The following C1orf87 variants were observed in gnomAD, a reference collection of about 807,000 sequenced individuals.
The protein encoded by C1orf87 is uncharacterized protein C1orf87.
A neutral mutation model predicts 60.5 loss-of-function variants in C1orf87; 58 were observed. That is an observed-to-expected ratio of 0.96 (90% CI 0.78 to 1.19). The LOEUF (loss-of-function observed/expected upper bound fraction) is 1.19. Among genes scored for constraint, C1orf87 ranks in the 50% most tolerant of loss-of-function variants. The pLI is 0.00. For synonymous variants in C1orf87, 236 were observed against 227.4 expected (o/e 1.04, Z -0.34); for missense variants, 673 against 638.6 (o/e 1.05, Z -0.58).
At chr1:60,046,923 G>A (rs1463416229) in intron 3 of C1orf87, among the ~76,000 whole-genome samples, 1 of 152,142 alleles carries the variant, frequency 6.6e-6, no homozygotes. Context: ...TAAATCTAAA[G>A]TCTTATTCAT....
At chr1:59,993,179 C>T (rs1317862502) in intron 11 of C1orf87, among the ~76,000 whole-genome samples, 2 of 152,086 alleles carry the variant, frequency 1.3e-5, no homozygotes, top group African/African-American at 2.4e-5. Flanking sequence ...TGTGATCATG[C>T]CATTGCATTC....
At chr1:60,000,212 T>C (rs1031167999) in intron 10 of C1orf87, among the ~76,000 whole-genome samples, 12 of 152,140 alleles carry the variant, frequency 7.9e-5, no homozygotes, top group African/African-American at 2.9e-4. Flanking sequence ...CTGCTTCAAT[T>C]TGCCTTTCTA....
At chr1:60,023,477 TAACA>T (rs1205087107) in intron 8 of C1orf87, among the ~76,000 whole-genome samples, 4 of 152,152 alleles carry the variant, frequency 2.6e-5, no homozygotes, top group Non-Finnish European at 5.9e-5. Flanking sequence ...GTTGCTTCCA[TAACA>T]AACAGTTTTC....
intron 2 of C1orf87, among the ~76,000 whole-genome samples, chr1:60,056,332 G>T (rs1013300543): frequency 2.6e-5 from 4 of 152,152 alleles, no homozygotes; most frequent in African/African-American, 7.2e-5. Flanking sequence ...TTCTTACAGT[G>T]GGTGACCTGA....
chr1:60,024,505 G>A (rs893978763), intron 8 of C1orf87, among the ~76,000 whole-genome samples: 4 of 152,086 alleles, frequency 2.6e-5, no homozygotes, highest in Non-Finnish European at 5.9e-5. Flanking sequence ...TCCTGGCCTT[G>A]GGTAGTTTCC....
chr1:60,040,306 GA>G, intron 4 of C1orf87, 126 bp from the exon 5 acceptor site: 2 of 1,226,904 alleles, frequency 1.6e-6, no homozygotes, highest in Non-Finnish European at 1.1e-6. Flanking sequence ...CCTGGAGCAG[GA>G]CAAGTCTGTG....
intron 3 of C1orf87, among the ~76,000 whole-genome samples, chr1:60,051,320 G>A (rs137991569): frequency 1.2e-4 from 19 of 152,286 alleles, no homozygotes; most frequent in African/African-American, 4.6e-4. Context: ...ATATATCCCT[G>A]CCCCATTCAT....
intron 7 of C1orf87, among the ~76,000 whole-genome samples, chr1:60,030,647 G>A (rs1464619749): frequency 6.6e-6 from 1 of 152,246 alleles, no homozygotes; most frequent in Non-Finnish European, 1.5e-5. Context: ...AATATGGATT[G>A]TGTAAAAGGG....
At chr1:60,023,863 T>C (rs1645180819) in intron 8 of C1orf87, among the ~76,000 whole-genome samples, 1 of 152,166 alleles carries the variant, frequency 6.6e-6, no homozygotes, top group South Asian at 2.1e-4. Flanking sequence ...GGCTGGGCAT[T>C]GTGTAGAATG....
chr1:60,026,400 C>A (rs1267465661), intron 7 of C1orf87, among the ~76,000 whole-genome samples: 1 of 151,756 alleles, frequency 6.6e-6, no homozygotes, highest in Non-Finnish European at 1.5e-5. Context: ...TAGGATAGTG[C>A]CTGGTTCTTA....
chr1:60,031,929 G>T (rs1645240157), intron 7 of C1orf87, among the ~76,000 whole-genome samples: 2 of 151,958 alleles, frequency 1.3e-5, no homozygotes, highest in South Asian at 4.2e-4. Flanking sequence ...GGACTTTCCT[G>T]CAATGCTCTA....
chr1:60,021,632 C>G (rs1029824243), intron 8 of C1orf87, among the ~76,000 whole-genome samples: 1 of 152,164 alleles, frequency 6.6e-6, no homozygotes, highest in Non-Finnish European at 1.5e-5. Context: ...TACTATGTGC[C>G]AAGCACTGCT....
At chr1:60,015,989 G>A (rs1021608443) in intron 8 of C1orf87, among the ~76,000 whole-genome samples, 9 of 152,114 alleles carry the variant, frequency 5.9e-5, no homozygotes, top group Non-Finnish European at 8.8e-5. Context: ...GACCTCAAGT[G>A]ATCCTCCCAC....
intron 4 of C1orf87, 120 bp downstream of exon 4, chr1:60,040,871 G>A: frequency 1.8e-6 from 2 of 1,117,138 alleles, no homozygotes; most frequent in Non-Finnish European, 2.5e-6. Context: ...GGCATTACAG[G>A]TGTAAGCCAC....
intron 7 of C1orf87, 90 bp from the exon 8 acceptor site, chr1:60,025,588 A>C: frequency 1.0e-6 from 1 of 994,542 alleles, no homozygotes; most frequent in East Asian, 2.7e-5. Context: ...GTTTTTTCTC[A>C]TAATTGGAAG....
chr1:60,019,828 G>A (rs1420469998), intron 8 of C1orf87, among the ~76,000 whole-genome samples: 1 of 152,154 alleles, frequency 6.6e-6, no homozygotes, highest in Non-Finnish European at 1.5e-5. Flanking sequence ...TCTGGCAGAA[G>A]AAATTTCTAA....
chr1:60,036,314 G>A (rs934583518), intron 6 of C1orf87, among the ~76,000 whole-genome samples: 2 of 152,146 alleles, frequency 1.3e-5, no homozygotes, highest in Non-Finnish European at 2.9e-5. Flanking sequence ...AAGGAATCAA[G>A]TCCAACTGTT....
At chr1:60,063,500 T>C (rs566289207) in intron 2 of C1orf87, among the ~76,000 whole-genome samples, 1 of 152,304 alleles carries the variant, frequency 6.6e-6, no homozygotes, top group African/African-American at 2.4e-5. Context: ...TTTCCCATTC[T>C]ACATGGAACA....
intron 7 of C1orf87, among the ~76,000 whole-genome samples, chr1:60,028,519 T>A (rs1228420239): frequency 6.6e-6 from 1 of 152,236 alleles, no homozygotes; most frequent in Non-Finnish European, 1.5e-5. Flanking sequence ...CTATGTAGTT[T>A]ATTCTGTTTA....
Sources: allele counts gnomAD v4.1 joint callset (sites outside exome capture counted in the v4.1 genomes callset), GRCh38; gene constraint gnomAD v4.1.1; transcripts MANE v1.5; gene names NCBI Gene and HGNC (gene_info 2026-07-23, HGNC 2026-07-21).